Variants in KCNT2 observed in about 807,000 individuals in gnomAD.
KCNT2 encodes the protein potassium channel subfamily T member 2.
A neutral mutation model predicts 153.8 loss-of-function variants in KCNT2; 67 were observed. That is an observed-to-expected ratio of 0.44 (90% CI 0.36 to 0.53). KCNT2 has a LOEUF of 0.53. Ranked by LOEUF, KCNT2 falls within the 20% of genes least tolerant of loss-of-function variation. The pLI, the probability that KCNT2 is intolerant of heterozygous loss-of-function variation, is 0.00. For missense variants in KCNT2, 975 were observed against 1,354.8 expected (o/e 0.72, Z 4.40); for synonymous variants, 500 against 458.8 (o/e 1.09, Z -1.15).
At chr1:196,283,026 G>A (rs1429532250) in intron 23 of KCNT2, among the ~76,000 whole-genome samples, 2 of 152,146 alleles carry the variant, frequency 1.3e-5, no homozygotes, top group African/African-American at 4.8e-5. Flanking sequence ...TGTATTTTTA[G>A]TAAAGACAGG....
At chr1:196,473,918 A>G (rs892783320) in intron 5 of KCNT2, among the ~76,000 whole-genome samples, 1 of 152,076 alleles carries the variant, frequency 6.6e-6, no homozygotes, top group Non-Finnish European at 1.5e-5. Context: ...TATTAAATAC[A>G]TTTTTCATTT....
At chr1:196,581,234 C>T (rs544719591) in intron 1 of KCNT2, among the ~76,000 whole-genome samples, 64 of 151,974 alleles carry the variant, frequency 4.2e-4, no homozygotes, top group East Asian at 1.2e-3. Flanking sequence ...TGTAGTGTTT[C>T]GCTTTTTTTA....
intron 14 of KCNT2, among the ~76,000 whole-genome samples, chr1:196,343,755 T>C (rs964580399): frequency 6.6e-6 from 1 of 151,348 alleles, no homozygotes; most frequent in African/African-American, 2.4e-5. Context: ...TCGTGTTTTG[T>C]TTTGTTTTGT....
intron 16 of KCNT2, 95 bp from the exon 17 acceptor site, chr1:196,334,155 T>G: frequency 1.4e-6 from 1 of 693,784 alleles, no homozygotes; most frequent in Non-Finnish European, 2.5e-6. Flanking sequence ...ATAAACACAA[T>G]AAATATATAT....
intron 1 of KCNT2, among the ~76,000 whole-genome samples, chr1:196,496,189 G>A (rs1320437928): frequency 6.6e-6 from 1 of 152,066 alleles, no homozygotes; most frequent in African/African-American, 2.4e-5. Context: ...TGATAGATAG[G>A]CCAGGCACGG....
At chr1:196,228,553 A>G (rs886115600) in intron 27 of KCNT2, among the ~76,000 whole-genome samples, 4 of 152,104 alleles carry the variant, frequency 2.6e-5, no homozygotes, top group African/African-American at 4.8e-5. Context: ...ATGATGATGA[A>G]TGCTGATGAA....
At chr1:196,503,880 A>G (rs1205580033) in intron 1 of KCNT2, among the ~76,000 whole-genome samples, 1 of 152,162 alleles carries the variant, frequency 6.6e-6, no homozygotes, top group Non-Finnish European at 1.5e-5. Flanking sequence ...ACAATTCAGT[A>G]ATGGGCACAG....
At chr1:196,392,185 T>C (rs1230493009) in intron 13 of KCNT2, among the ~76,000 whole-genome samples, 1 of 151,262 alleles carries the variant, frequency 6.6e-6, no homozygotes, top group Non-Finnish European at 1.5e-5. Context: ...ATGGAGAGAA[T>C]ATGGTTTTTT....
intron 22 of KCNT2, among the ~76,000 whole-genome samples, chr1:196,287,021 C>T (rs915387041): frequency 2.6e-5 from 4 of 151,936 alleles, no homozygotes; most frequent in African/African-American, 7.3e-5. Context: ...TGTGGGTTCT[C>T]GTGGAAGGGA....
intron 13 of KCNT2, among the ~76,000 whole-genome samples, chr1:196,381,827 T>C (rs1488187477): frequency 6.6e-6 from 1 of 152,184 alleles, no homozygotes; most frequent in African/African-American, 2.4e-5. Flanking sequence ...TGAGAGAACG[T>C]AGGCAAATTT....
intron 1 of KCNT2, among the ~76,000 whole-genome samples, chr1:196,496,420 A>T (rs935329438): frequency 6.6e-6 from 1 of 151,202 alleles, no homozygotes; most frequent in Non-Finnish European, 1.5e-5. Flanking sequence ...GTGAGCCGAG[A>T]TCGTGCCACT....
chr1:196,456,839 C>G (rs1676714201), intron 8 of KCNT2, among the ~76,000 whole-genome samples: 1 of 151,826 alleles, frequency 6.6e-6, no homozygotes, highest in African/African-American at 2.4e-5. Flanking sequence ...GAAATATATT[C>G]TAGAAAAGTT....
chr1:196,325,894 T>C (rs965015718), intron 19 of KCNT2, among the ~76,000 whole-genome samples: 1 of 152,152 alleles, frequency 6.6e-6, no homozygotes, highest in Non-Finnish European at 1.5e-5. Flanking sequence ...GATGTCTCTC[T>C]TATGAAAAAC....
intron 14 of KCNT2, 23 bp from the exon 15 acceptor site, chr1:196,342,251 T>TAC (rs747016187): frequency 6.3e-7 from 1 of 1,584,174 alleles, no homozygotes; most frequent in East Asian, 2.3e-5. Flanking sequence ...CACACACACA[T>TAC]ACACACACAC....
At chr1:196,431,481 G>A (rs1316897442) in intron 8 of KCNT2, among the ~76,000 whole-genome samples, 1 of 151,998 alleles carries the variant, frequency 6.6e-6, no homozygotes, top group Admixed American at 6.6e-5. Context: ...CCAGAATATT[G>A]GGGGAAATAC....
At chr1:196,294,822 C>T (rs1337325023) in intron 22 of KCNT2, among the ~76,000 whole-genome samples, 1 of 150,598 alleles carries the variant, frequency 6.6e-6, no homozygotes, top group African/African-American at 2.4e-5. Flanking sequence ...TAATGGAATA[C>T]TATTTTGCCT....
chr1:196,580,335 G>C (rs1444443896), intron 1 of KCNT2, among the ~76,000 whole-genome samples: 1 of 152,126 alleles, frequency 6.6e-6, no homozygotes, highest in African/African-American at 2.4e-5. Context: ...TGGTTCAGTG[G>C]GAGGGGAGGG....
chr1:196,331,800 G>T (rs1047562843), intron 17 of KCNT2, among the ~76,000 whole-genome samples: 6 of 152,046 alleles, frequency 3.9e-5, no homozygotes, highest in African/African-American at 1.4e-4. Flanking sequence ...ATTATGATTT[G>T]CTCTATCAAT....
At chr1:196,299,776 T>A (rs1370044395) in intron 22 of KCNT2, among the ~76,000 whole-genome samples, 1 of 152,152 alleles carries the variant, frequency 6.6e-6, no homozygotes, top group Non-Finnish European at 1.5e-5. Flanking sequence ...AGAAAATTAG[T>A]ATTTCAAAGA....
Sources: allele counts gnomAD v4.1 joint callset (sites outside exome capture counted in the v4.1 genomes callset), GRCh38; gene constraint gnomAD v4.1.1; transcripts MANE v1.5; gene names NCBI Gene and HGNC (gene_info 2026-07-23, HGNC 2026-07-21).